The following RANBP2 variants were observed in gnomAD, a reference collection of about 807,000 sequenced individuals.
RANBP2 encodes the protein E3 SUMO-protein ligase RanBP2.
RANBP2 carries 57 observed loss-of-function variants against 303.6 expected under a neutral mutation model. The ratio of observed to expected loss-of-function variants is 0.19; its 90% CI spans 0.15 to 0.23. The LOEUF is 0.23. Among genes scored for constraint, RANBP2 ranks in the 10% least tolerant of loss-of-function variants. The pLI is 1.00. For missense variants in RANBP2, 3,138 were observed against 3,780.8 expected (o/e 0.83, Z 4.46); for synonymous variants, 1,167 against 1,301.5 (o/e 0.90, Z 2.23).
the RANBP2 span, among the ~76,000 whole-genome samples, chr2:109,134,004 A>T: frequency 1.3e-5 from 2 of 152,158 alleles, no homozygotes; most frequent in Non-Finnish European, 2.9e-5. Flanking sequence ...GAGGGTGTCT[A>T]TGGTATCTGG....
At chr2:109,497,613 C>T in the RANBP2 span, among the ~76,000 whole-genome samples, 1 of 152,140 alleles carries the variant, frequency 6.6e-6, no homozygotes, top group Non-Finnish European at 1.5e-5. Flanking sequence ...GACACGGACA[C>T]GACAACGGCG....
the RANBP2 span, among the ~76,000 whole-genome samples, chr2:109,591,186 G>A: frequency 3.3e-5 from 5 of 152,112 alleles, no homozygotes; most frequent in East Asian, 1.9e-4. Flanking sequence ...CTTCTTCCTC[G>A]TGAAAGTGTT....
At chr2:109,602,976 C>A in the RANBP2 span, among the ~76,000 whole-genome samples, 2 of 150,474 alleles carry the variant, frequency 1.3e-5, no homozygotes, top group Non-Finnish European at 2.9e-5. Flanking sequence ...AAGACTGAGG[C>A]AGGAGGATCA....
chr2:109,681,961 A>T, the RANBP2 span, among the ~76,000 whole-genome samples: 1 of 152,222 alleles, frequency 6.6e-6, no homozygotes, highest in Non-Finnish European at 1.5e-5. Flanking sequence ...TCACTGAGGC[A>T]CTTGCTGTAA....
the RANBP2 span, among the ~76,000 whole-genome samples, chr2:109,082,399 C>A: frequency 6.6e-6 from 1 of 152,064 alleles, no homozygotes; most frequent in African/African-American, 2.4e-5. Context: ...TTCCCGGGTT[C>A]ACACCATTCT....
chr2:109,143,485 G>A, the RANBP2 span, among the ~76,000 whole-genome samples: 2 of 152,136 alleles, frequency 1.3e-5, no homozygotes, highest in Non-Finnish European at 2.9e-5. Context: ...GCTCATGCCT[G>A]TAATCTCAGA....
chr2:109,673,407 C>T, the RANBP2 span, among the ~76,000 whole-genome samples: 1 of 152,190 alleles, frequency 6.6e-6, no homozygotes, highest in Admixed American at 6.5e-5. Context: ...GCCACAGACC[C>T]CATTTTGGGA....
the RANBP2 span, among the ~76,000 whole-genome samples, chr2:109,402,167 C>T: frequency 0.031 from 4,726 of 152,332 alleles, 240 homozygotes; most frequent in African/African-American, 0.11. Flanking sequence ...ACCAAGCCCT[C>T]CCGGTCTGCC....
rs59221702 is a variant in RANBP2 at position 108,722,021 on chromosome 2, C to T, written c.72+2343C>T. Among the ~76,000 whole-genome samples, 745 of 151,602 alleles carry T rather than the reference C, an allele frequency of 4.9e-3. 8 individuals are homozygous for T. Among genetic ancestry groups the T allele is most frequent in the African/African-American group, 0.015 (607 of 41,288 alleles). On this transcript the variant is annotated intron_variant, in intron 1 of 28. Transcript: ENST00000283195. Reference sequence around the variant, plus strand: ...AAGTGCTGAGATTACAGGTGTGAGCCACTCTGCTCAGCCTGATTTTTTTTT... The same window carrying T: ...AAGTGCTGAGATTACAGGTGTGAGCTACTCTGCTCAGCCTGATTTTTTTTT...
chr2:109,720,969 C>T, the RANBP2 span, among the ~76,000 whole-genome samples: 2 of 152,206 alleles, frequency 1.3e-5, no homozygotes, highest in Non-Finnish European at 1.5e-5. Flanking sequence ...CAGCCTTGCT[C>T]ACCTGAGATG....
the RANBP2 span, among the ~76,000 whole-genome samples, chr2:109,060,662 C>T: frequency 6.6e-6 from 1 of 152,204 alleles, no homozygotes; most frequent in Non-Finnish European, 1.5e-5. Context: ...TCTCCCGAGG[C>T]AGCTTCACTG....
the RANBP2 span, among the ~76,000 whole-genome samples, chr2:109,206,354 G>T: frequency 6.6e-6 from 1 of 151,934 alleles, no homozygotes; most frequent in African/African-American, 2.4e-5. Flanking sequence ...TGCCGGGCTT[G>T]GTGGAGGGCA....
the RANBP2 span, chr2:108,911,078 G>A: frequency 2.2e-5 from 35 of 1,613,972 alleles, no homozygotes; most frequent in Admixed American, 3.3e-5. Context: ...GAGTTCTGTG[G>A]GTGGAGAGAA....
At chr2:108,726,656 G>A (rs1230871950) in intron 1 of RANBP2, among the ~76,000 whole-genome samples, 2 of 151,236 alleles carry the variant, frequency 1.3e-5, no homozygotes, top group Non-Finnish European at 3.0e-5. Flanking sequence ...TTTTTTTATT[G>A]ATAATTCTTG....
the RANBP2 span, chr2:109,667,981 G>T: frequency 5.9e-6 from 1 of 170,192 alleles, no homozygotes; most frequent in South Asian, 1.8e-4. Context: ...CCAGTCTGAA[G>T]AGGGCTGAGG....
At chr2:109,411,869 T>G in the RANBP2 span, among the ~76,000 whole-genome samples, 7 of 152,210 alleles carry the variant, frequency 4.6e-5, no homozygotes, top group African/African-American at 1.7e-4. Flanking sequence ...TCCCACATAT[T>G]TGCTTGGAGC....
At chr2:109,443,856 T>C in the RANBP2 span, among the ~76,000 whole-genome samples, 1 of 152,220 alleles carries the variant, frequency 6.6e-6, no homozygotes, top group Non-Finnish European at 1.5e-5. Flanking sequence ...ATGGTAAAAA[T>C]TTAAAACATT....
At chr2:108,881,871 C>T in the RANBP2 span, among the ~76,000 whole-genome samples, 8 of 152,080 alleles carry the variant, frequency 5.3e-5, no homozygotes, top group East Asian at 3.9e-4. Context: ...TGGCCAGGCA[C>T]GATGGCTCAC....
the RANBP2 span, among the ~76,000 whole-genome samples, chr2:108,871,771 T>C: frequency 2.6e-5 from 4 of 152,338 alleles, no homozygotes; most frequent in Middle Eastern, 3.4e-3. Context: ...GCACTTTTCA[T>C]CTTCCCCGCC....
Sources: gnomAD v4.1 joint callset for allele counts (sites outside exome capture counted in the v4.1 genomes callset) on GRCh38, gnomAD v4.1.1 for gene constraint, MANE v1.5 for transcripts, NCBI Gene and HGNC (gene_info 2026-07-23, HGNC 2026-07-21) for gene names.